The following PDE4D variants were observed in gnomAD, a reference collection of about 807,000 sequenced individuals.
PDE4D encodes the protein phosphodiesterase 4D.
In PDE4D, 24 loss-of-function variants were observed where a neutral mutation model predicts 87.4. That is an observed-to-expected ratio of 0.27 (90% CI 0.20 to 0.39). The LOEUF (loss-of-function observed/expected upper bound fraction) is 0.39, where lower values mean the gene tolerates loss of function less well. PDE4D is among the 10% of genes least tolerant of loss of function. The pLI is 1.00. For synonymous variants in PDE4D, 384 were observed against 383.2 expected (o/e 1.00, Z -0.02); for missense variants, 714 against 1,041.0 (o/e 0.69, Z 4.32).
intron 1 of PDE4D, among the ~76,000 whole-genome samples, chr5:59,791,320 A>T (rs1765763815): frequency 6.6e-6 from 1 of 152,230 alleles, no homozygotes; most frequent in Non-Finnish European, 1.5e-5. Flanking sequence ...AAAGGCTAAA[A>T]AGCTATGAAT....
At chr5:59,967,646 T>A (rs1052217497) in intron 3 of PDE4D, among the ~76,000 whole-genome samples, 1 of 152,154 alleles carries the variant, frequency 6.6e-6, no homozygotes, top group African/African-American at 2.4e-5. Flanking sequence ...ACACCATTGG[T>A]GGGAATGTAA....
chr5:59,414,159 G>A (rs1303254575), intron 1 of PDE4D, among the ~76,000 whole-genome samples: 10 of 152,194 alleles, frequency 6.6e-5, no homozygotes, highest in Non-Finnish European at 4.4e-5. Context: ...AACCCTCACT[G>A]AATGCCAGTG....
chr5:59,418,456 G>A (rs1422479401), intron 1 of PDE4D, among the ~76,000 whole-genome samples: 1 of 152,132 alleles, frequency 6.6e-6, no homozygotes, highest in African/African-American at 2.4e-5. Flanking sequence ...CTGAATGCAA[G>A]CTGCAAGACC....
chr5:59,492,303 A>G (rs1049416518), intron 1 of PDE4D, among the ~76,000 whole-genome samples: 1 of 152,226 alleles, frequency 6.6e-6, no homozygotes, highest in African/African-American at 2.4e-5. Context: ...TAGAGAATTT[A>G]TTCAAGATTA....
intron 1 of PDE4D, among the ~76,000 whole-genome samples, chr5:60,512,587 T>G (rs1421214540): frequency 6.6e-6 from 1 of 152,208 alleles, no homozygotes; most frequent in Non-Finnish European, 1.5e-5. Context: ...TTTAGAAGAC[T>G]TTGGATGGCA....
At chr5:59,551,307 T>C (rs1018228863) in intron 1 of PDE4D, among the ~76,000 whole-genome samples, 4 of 149,450 alleles carry the variant, frequency 2.7e-5, no homozygotes, top group African/African-American at 9.7e-5. Context: ...ATGAAATCTT[T>C]ATTTAAATAA....
chr5:59,468,489 T>C (rs1209876550), intron 1 of PDE4D, among the ~76,000 whole-genome samples: 1 of 152,182 alleles, frequency 6.6e-6, no homozygotes, highest in Non-Finnish European at 1.5e-5. Flanking sequence ...ATGGAGATGC[T>C]TGATGTCTTG....
intron 2 of PDE4D, among the ~76,000 whole-genome samples, chr5:59,991,058 A>C (rs1762955494): frequency 6.6e-6 from 1 of 152,204 alleles, no homozygotes; most frequent in Non-Finnish European, 1.5e-5. Context: ...AATTGATCAT[A>C]ACTCAATAAG....
chr5:60,339,244 TA>T (rs1758094839), intron 1 of PDE4D, among the ~76,000 whole-genome samples: 1 of 152,166 alleles, frequency 6.6e-6, no homozygotes, highest in Non-Finnish European at 1.5e-5. Flanking sequence ...ACTTTAGGGA[TA>T]TTCAAATTGC....
intron 1 of PDE4D, among the ~76,000 whole-genome samples, chr5:60,508,844 T>C (rs577174505): frequency 1.3e-5 from 2 of 152,304 alleles, no homozygotes; most frequent in South Asian, 4.1e-4. Context: ...TGAACAAAGT[T>C]TATCCAACAT....
At chr5:59,622,207 A>T (rs1188444946) in intron 1 of PDE4D, among the ~76,000 whole-genome samples, 6 of 152,136 alleles carry the variant, frequency 3.9e-5, no homozygotes. Flanking sequence ...ACACAAACAC[A>T]TACCCACACA....
intron 2 of PDE4D, among the ~76,000 whole-genome samples, chr5:60,166,702 C>G (rs1487937947): frequency 2.0e-5 from 3 of 152,076 alleles, no homozygotes; most frequent in Non-Finnish European, 4.4e-5. Flanking sequence ...TTCTTTTATT[C>G]CAGCTTGAAG....
At chr5:59,988,238 C>G (rs1762639709) in intron 3 of PDE4D, 2 of 379,284 alleles carry the variant, frequency 5.3e-6, no homozygotes, top group African/African-American at 4.1e-5. Context: ...GTACAACTGC[C>G]CTTTGGCAAA....
intron 1 of PDE4D, among the ~76,000 whole-genome samples, chr5:59,591,254 A>C (rs888671855): frequency 6.6e-6 from 1 of 152,224 alleles, no homozygotes; most frequent in African/African-American, 2.4e-5. Flanking sequence ...TCAGTATTTC[A>C]TCCTCTTAAA....
At chr5:60,450,411 G>GAA (rs1215906890) in intron 1 of PDE4D, among the ~76,000 whole-genome samples, 3 of 152,018 alleles carry the variant, frequency 2.0e-5, no homozygotes, top group Admixed American at 1.3e-4. Context: ...CCTATCCCCA[G>GAA]CCTAGTTTGG....
intron 5 of PDE4D, among the ~76,000 whole-genome samples, chr5:59,108,272 A>G (rs1210972477): frequency 6.6e-6 from 1 of 152,166 alleles, no homozygotes; most frequent in Admixed American, 6.5e-5. Context: ...TTTGAATTTT[A>G]TTATTTTGTA....
chr5:59,654,871 C>A (rs1484066241), intron 1 of PDE4D, among the ~76,000 whole-genome samples: 4 of 152,070 alleles, frequency 2.6e-5, no homozygotes, highest in African/African-American at 9.7e-5. Flanking sequence ...AAGGTTTATA[C>A]ATGTAATAGC....
intron 2 of PDE4D, among the ~76,000 whole-genome samples, chr5:60,158,315 G>A (rs1462473804): frequency 6.6e-6 from 1 of 152,010 alleles, no homozygotes; most frequent in Non-Finnish European, 1.5e-5. Flanking sequence ...ACTGAATACT[G>A]CAGGCAAGCA....
intron 1 of PDE4D, among the ~76,000 whole-genome samples, chr5:59,390,698 TATG>T (rs1431794699): frequency 6.6e-6 from 1 of 152,104 alleles, no homozygotes; most frequent in Non-Finnish European, 1.5e-5. Flanking sequence ...TGTTGTGACT[TATG>T]AAGAACTTTA....
Sources: gnomAD v4.1 joint callset for allele counts (sites outside exome capture counted in the v4.1 genomes callset) on GRCh38, gnomAD v4.1.1 for gene constraint, MANE v1.5 for transcripts, NCBI Gene and HGNC (gene_info 2026-07-23, HGNC 2026-07-21) for gene names.